Variants in ZNF160 observed in about 807,000 individuals in gnomAD.
The protein encoded by ZNF160 is zinc finger protein 160.
ZNF160 carries 9 observed loss-of-function variants against 13.1 expected under a neutral mutation model. The observed-to-expected ratio is 0.69, with a 90% CI of 0.41 to 1.20. ZNF160 has a LOEUF of 1.20. Among genes scored for constraint, ZNF160 ranks in the 50% most tolerant of loss-of-function variants. The pLI is 0.01. For synonymous variants in ZNF160, 293 were observed against 333.2 expected (o/e 0.88, Z 1.31); for missense variants, 838 against 988.0 (o/e 0.85, Z 2.04).
rs1208512580 is a variant in ZNF160 at position 53,067,299 on chromosome 19, C to G, written c.*778G>C. The G allele has an allele frequency of 1.3e-5, 2 of 152,206 alleles. No individual in the cohort carries two copies. The highest frequency in any genetic ancestry group is 2.9e-5 in the Non-Finnish European group (2 of 68,042). 9.4% of individuals were successfully genotyped at this position (152,206 alleles called of 1,614,324 possible). On this transcript the variant is annotated 3_prime_UTR_variant, in exon 6 of 6. Transcript: ENST00000683776. ...TCAGTTGATAGACCATTTCTTTCCT[C>G]TAAGCCACAGTACTCTCCTGGTAGG... is the stretch of plus-strand genomic sequence containing the variant.
At chr19:53,086,488 G>T (rs1025432211) in intron 2 of ZNF160, among the ~76,000 whole-genome samples, 167 bp from the exon 3 acceptor site, 1 of 152,138 alleles carries the variant, frequency 6.6e-6, no homozygotes, top group African/African-American at 2.4e-5. Flanking sequence ...GGAATACGGG[G>T]ACGAGAAACT....
At chr19:53,092,387 T>C (rs2085068905) in intron 1 of ZNF160, among the ~76,000 whole-genome samples, 1 of 152,194 alleles carries the variant, frequency 6.6e-6, no homozygotes, top group Non-Finnish European at 1.5e-5. Flanking sequence ...CTTGGCTCAT[T>C]GCAACCTCTG....
Position 53,074,198 on chromosome 19 carries a change from G to C in ZNF160, c.213C>G (p.Ser71Arg), listed in dbSNP as rs916630955. The change falls in exon 5 of 6, where the codon AGC becomes AGG. Residue 71 changes from serine (S) to arginine (R), a missense_variant. Physicochemically the swap from Ser to Arg is moderately radical, Grantham distance 110 (BLOSUM62 -1). Transcript: ENST00000683776. The stretch of plus-strand genomic sequence containing the variant: ...TTGGTTTTCTTGCTATTTTCACACA[G>C]CTCTTCACAGTCCAGGGCTCTTTCC... ...EEGKEPWTVK[S>R]CVKIARKPRT... The C allele has an allele frequency of 8.1e-6, 13 of 1,613,756 alleles. No homozygotes were observed. The highest frequency in any genetic ancestry group is 1.1e-5 in the Non-Finnish European group (13 of 1,179,956).
At chr19:53,092,331 G>A (rs746116131) in intron 1 of ZNF160, among the ~76,000 whole-genome samples, 1 of 151,446 alleles carries the variant, frequency 6.6e-6, no homozygotes, top group Non-Finnish European at 1.5e-5. Context: ...TTTCTTTTGA[G>A]ACAGAGTCTC....
At chr19:53,083,334 C>T (rs1217894461) in intron 3 of ZNF160, among the ~76,000 whole-genome samples, 1 of 152,126 alleles carries the variant, frequency 6.6e-6, no homozygotes, top group Non-Finnish European at 1.5e-5. Context: ...TTGGAGGCTG[C>T]CAGCTATCAG....
Position 53,068,557 on chromosome 19 carries a change from A to T in ZNF160, c.1977T>A (p.Ser659Arg). ...TATGGGTAGTTAGGTTTGAATGCATACTAAAGGCTTTCCCACACTCATTAC... is the reference window on the plus strand; with the variant it reads ...TATGGGTAGTTAGGTTTGAATGCATTCTAAAGGCTTTCCCACACTCATTAC... ...YKCNECGKAF[S>R]MHSNLTTHKV... Residue 659 changes from serine to arginine, a missense_variant, in exon 6 of 6, where the codon AGT becomes AGA. Physicochemically the swap from Ser to Arg is moderately radical, Grantham distance 110 (BLOSUM62 -1). Transcript: ENST00000683776. 2 of 1,613,022 alleles carry T rather than the reference A, an allele frequency of 1.2e-6. No homozygotes were observed. Among genetic ancestry groups the T allele is most frequent in the Non-Finnish European group, 1.7e-6 (2 of 1,179,760 alleles).
At chr19:53,100,506 A>G (rs1385246101) in intron 1 of ZNF160, among the ~76,000 whole-genome samples, 2 of 152,162 alleles carry the variant, frequency 1.3e-5, no homozygotes, top group Non-Finnish European at 2.9e-5. Flanking sequence ...ACTACTTGGG[A>G]GGCTGAGGCA....
chr19:53,068,158 A>G lies in ZNF160; in HGVS notation c.2376T>C (p.Asn792=). 1 of 1,614,172 alleles carries G rather than the reference A, an allele frequency of 6.2e-7. No individual in the cohort carries two copies. Among genetic ancestry groups the G allele is most frequent in the South Asian group, 1.1e-5 (1 of 91,084 alleles). ...TCTGCCTGAAGACCTTGCCACACTC[A>G]TTACATTTGTAACGCTTTTCTCCAG... ...IHTGEKRYKC[N]ECGKVFRQSS... The change falls in exon 6 of 6, where the codon AAT becomes AAC. Residue 792 remains asparagine, a synonymous_variant. Coordinates refer to ENST00000683776, the MANE Select transcript of ZNF160 (RefSeq NM_001322131.2).
At chr19:53,077,395 A>T (rs1384212957) in intron 3 of ZNF160, 1 of 152,218 alleles carries the variant, frequency 6.6e-6, no homozygotes, top group Admixed American at 6.6e-5. Flanking sequence ...AAAAGAAGCC[A>T]GGCACGGTGG....
chr19:53,096,954 G>A (rs2085261552), intron 1 of ZNF160, among the ~76,000 whole-genome samples: 1 of 99,128 alleles, frequency 1.0e-5, no homozygotes, highest in African/African-American at 4.5e-5. Context: ...GCACCCTGTG[G>A]GGATGAACAC....
chr19:53,073,102 C>T (rs1390432514), intron 5 of ZNF160: 8 of 1,081,024 alleles, frequency 7.4e-6, no homozygotes, highest in Admixed American at 3.6e-5. Flanking sequence ...CTAATGTTTT[C>T]ACCCAGTGAC....
Position 53,068,688 on chromosome 19 carries a change from TATGTATTGCCTGATG to T in ZNF160, c.1831_1845del (p.His611_His615del), listed in dbSNP as rs1348851744. The T allele has an allele frequency of 2.5e-6, 4 of 1,613,966 alleles. No homozygotes were observed. Among genetic ancestry groups the T allele is most frequent in the Non-Finnish European group, 3.4e-6 (4 of 1,180,032 alleles). The stretch of plus-strand genomic sequence containing the variant: ...TGACATTTGTAAGGTTTCTCTCCAG[TATGTATTGCCTGATG>T]AAAAGTTAGGCTTGAACGATCACTA... On this transcript the variant is annotated inframe_deletion, in exon 6 of 6. Coordinates refer to ENST00000683776, the MANE Select transcript of ZNF160 (RefSeq NM_001322131.2).
At chr19:53,078,787 T>A (rs1312944577) in intron 3 of ZNF160, among the ~76,000 whole-genome samples, 1 of 129,476 alleles carries the variant, frequency 7.7e-6, no homozygotes. Context: ...GTAAGGCAAC[T>A]GGAGCAGCAA....
chr19:53,102,458 G>A (rs1327667060), intron 1 of ZNF160, among the ~76,000 whole-genome samples: 1 of 152,140 alleles, frequency 6.6e-6, no homozygotes, highest in African/African-American at 2.4e-5. Context: ...TCTGTCTGAG[G>A]AGGCTCCTTC....
chr19:53,078,946 G>T (rs1032207506), intron 3 of ZNF160, among the ~76,000 whole-genome samples: 1 of 152,080 alleles, frequency 6.6e-6, no homozygotes, highest in African/African-American at 2.4e-5. Context: ...AAAAACAATT[G>T]TATGATACCA....
intron 3 of ZNF160, among the ~76,000 whole-genome samples, chr19:53,076,324 A>G (rs1319044036): frequency 6.6e-6 from 1 of 152,212 alleles, no homozygotes; most frequent in African/African-American, 2.4e-5. Flanking sequence ...CATGAACTAA[A>G]TAAGCACAAC....
At position 53,069,553 on chromosome 19, in the gene ZNF160, G is replaced by A. The variant is rs772025525; in HGVS notation, c.981C>T (p.Tyr327=). The A allele has an allele frequency of 5.0e-6, 8 of 1,614,016 alleles. No individual in the cohort carries two copies. The highest frequency in any genetic ancestry group is 6.8e-6 in the Non-Finnish European group (8 of 1,180,046). The part of the protein sequence containing the change: ...ECGKVFRHNS[Y]LATHRRIHTG... Reference sequence around the variant, plus strand: ...TATGAATTCGCCGATGAGTTGCAAGGTATGAATTGTGCCTGAAGACCTTGC... The same window carrying A: ...TATGAATTCGCCGATGAGTTGCAAGATATGAATTGTGCCTGAAGACCTTGC... The change falls in exon 6 of 6, where the codon TAC becomes TAT. Residue 327 remains tyrosine (Y), a synonymous_variant. Transcript: ENST00000683776. This position sits in a 1 kb window ranked among gnomAD's most constrained non-coding sequence, Gnocchi z 4.4.
intron 5 of ZNF160, chr19:53,072,971 C>A: frequency 1.5e-6 from 1 of 660,054 alleles, no homozygotes; most frequent in Non-Finnish European, 1.9e-6. Flanking sequence ...TCTATATTGA[C>A]AAATTATAGT....
chr19:53,083,269 A>C (rs1039505312), intron 3 of ZNF160, among the ~76,000 whole-genome samples: 1 of 152,052 alleles, frequency 6.6e-6, no homozygotes, highest in Non-Finnish European at 1.5e-5. Flanking sequence ...TAAAGCCCCA[A>C]TCTTCCAATC....
Sources: gnomAD v4.1 joint callset for allele counts (sites outside exome capture counted in the v4.1 genomes callset) on GRCh38, gnomAD v4.1.1 for gene constraint, Gnocchi (gnomAD v3.1) non-coding constraint, MANE v1.5 for transcripts, NCBI Gene and HGNC (gene_info 2026-07-23, HGNC 2026-07-21) for gene names.